MARCHF1: variants seen among roughly 807,000 people sequenced by gnomAD.
MARCHF1 encodes the protein E3 ubiquitin-protein ligase MARCHF1.
Under a neutral mutation model 54.2 loss-of-function variants are expected in MARCHF1, and 40 were observed. That is an observed-to-expected ratio of 0.74 (90% confidence interval 0.57 to 0.96). The LOEUF (loss-of-function observed/expected upper bound fraction) is 0.96. MARCHF1 is among the 40% of genes least tolerant of loss of function. The pLI is 0.00. For synonymous variants in MARCHF1, 236 were observed against 236.3 expected (o/e 1.00, Z 0.01); for missense variants, 586 against 656.5 (o/e 0.89, Z 1.17).
chr4:164,223,241 G>C (rs1732162184), intron 1 of MARCHF1, among the ~76,000 whole-genome samples: 1 of 151,996 alleles, frequency 6.6e-6, no homozygotes. Flanking sequence ...ATGTTGTAGA[G>C]TTGAACCAAT....
intron 1 of MARCHF1, among the ~76,000 whole-genome samples, chr4:164,249,722 C>G (rs1376408039): frequency 6.6e-6 from 1 of 150,566 alleles, no homozygotes; most frequent in Admixed American, 6.6e-5. Context: ...AAAAAATGAC[C>G]CATGCAGTTA....
chr4:164,093,616 G>A (rs1265148342), intron 2 of MARCHF1, among the ~76,000 whole-genome samples: 2 of 152,094 alleles, frequency 1.3e-5, no homozygotes, highest in Non-Finnish European at 2.9e-5. Flanking sequence ...CAGGAGAAAT[G>A]GAATAGTGAC....
chr4:163,628,854 G>T (rs1454602836), intron 5 of MARCHF1, among the ~76,000 whole-genome samples: 1 of 152,108 alleles, frequency 6.6e-6, no homozygotes, highest in Non-Finnish European at 1.5e-5. Context: ...GGATGTGAAG[G>T]ACCTCTTCAA....
chr4:163,894,234 G>C (rs144722493), intron 3 of MARCHF1, among the ~76,000 whole-genome samples: 3 of 151,912 alleles, frequency 2.0e-5, no homozygotes, highest in African/African-American at 7.3e-5. Context: ...GATCAGTTTG[G>C]CAATTTTCCT....
At chr4:163,768,749 A>ATC (rs1747063569) in intron 4 of MARCHF1, among the ~76,000 whole-genome samples, 1 of 152,178 alleles carries the variant, frequency 6.6e-6, no homozygotes, top group East Asian at 1.9e-4. Context: ...CTGAAAACTA[A>ATC]TCTCTCTGGA....
chr4:163,932,263 A>T (rs1751693738), intron 3 of MARCHF1, among the ~76,000 whole-genome samples: 1 of 152,222 alleles, frequency 6.6e-6, no homozygotes, highest in Non-Finnish European at 1.5e-5. Flanking sequence ...ATTACTTGAA[A>T]TAAGACAATG....
chr4:164,322,543 T>C (rs1735168328), intron 1 of MARCHF1, among the ~76,000 whole-genome samples: 1 of 152,142 alleles, frequency 6.6e-6, no homozygotes, highest in South Asian at 2.1e-4. Flanking sequence ...AATAATGACT[T>C]AATTGTACAT....
intron 3 of MARCHF1, among the ~76,000 whole-genome samples, chr4:163,886,786 T>A (rs1287176391): frequency 6.6e-6 from 1 of 152,090 alleles, no homozygotes; most frequent in Non-Finnish European, 1.5e-5. Flanking sequence ...GATAATAAAG[T>A]CAAAGCCAAG....
At chr4:163,524,628 A>G (rs1738037271), downstream of MARCHF1, 1 of 152,112 alleles carries the variant, frequency 6.6e-6, no homozygotes, top group African/African-American at 2.4e-5. Context: ...ATATGTTCAG[A>G]CCCTTGTAAA....
chr4:163,836,672 G>C (rs1342287710), intron 4 of MARCHF1, among the ~76,000 whole-genome samples: 1 of 146,320 alleles, frequency 6.8e-6, no homozygotes, highest in African/African-American at 2.5e-5. Context: ...TAAGGAAACA[G>C]AGGGTCCATC....
intron 3 of MARCHF1, among the ~76,000 whole-genome samples, chr4:163,884,511 C>G (rs1750486751): frequency 6.6e-6 from 1 of 152,158 alleles, no homozygotes; most frequent in African/African-American, 2.4e-5. Context: ...AACAAGAACT[C>G]TGTCACTGGC....
At chr4:163,759,981 A>C (rs1374045201) in intron 4 of MARCHF1, among the ~76,000 whole-genome samples, 1 of 152,214 alleles carries the variant, frequency 6.6e-6, no homozygotes, top group African/African-American at 2.4e-5. Flanking sequence ...AAGTAACTTG[A>C]TGCATTAAAA....
intron 1 of MARCHF1, among the ~76,000 whole-genome samples, chr4:164,182,036 T>G (rs556752464): frequency 1.3e-5 from 2 of 152,258 alleles, no homozygotes; most frequent in East Asian, 3.9e-4. Flanking sequence ...AGGTAATTTT[T>G]TCTCTTCTTT....
chr4:164,279,893 T>C (rs1733983261), intron 1 of MARCHF1, among the ~76,000 whole-genome samples: 1 of 151,740 alleles, frequency 6.6e-6, no homozygotes, highest in Non-Finnish European at 1.5e-5. Flanking sequence ...AATAGAATAT[T>C]ATCAAATTAA....
intron 1 of MARCHF1, among the ~76,000 whole-genome samples, chr4:164,282,178 C>T (rs1262456417): frequency 6.6e-6 from 1 of 150,828 alleles, no homozygotes; most frequent in South Asian, 2.1e-4. Flanking sequence ...TATTCCCTGC[C>T]CTCAACTACT....
chr4:164,166,492 A>G (rs1439438302), intron 1 of MARCHF1, among the ~76,000 whole-genome samples: 1 of 151,926 alleles, frequency 6.6e-6, no homozygotes, highest in Non-Finnish European at 1.5e-5. Flanking sequence ...TAGAAGGAAA[A>G]CATCCCAACA....
chr4:164,358,858 C>T (rs1158456324), intron 1 of MARCHF1, among the ~76,000 whole-genome samples: 1 of 151,910 alleles, frequency 6.6e-6, no homozygotes, highest in Non-Finnish European at 1.5e-5. Context: ...GGACATCGAG[C>T]AATTGGATTT....
chr4:163,690,938 C>T (rs1029250417), intron 5 of MARCHF1, among the ~76,000 whole-genome samples: 7 of 152,148 alleles, frequency 4.6e-5, no homozygotes, highest in Non-Finnish European at 1.0e-4. Flanking sequence ...GAGCCCAAAG[C>T]GCTGGCTGTG....
chr4:163,547,701 A>G (rs535516836), intron 8 of MARCHF1, among the ~76,000 whole-genome samples: 1 of 152,340 alleles, frequency 6.6e-6, no homozygotes, highest in South Asian at 2.1e-4. Context: ...CTTCCAGTCT[A>G]TGGAATAAGA....
Sources: gnomAD v4.1 joint callset for allele counts (sites outside exome capture counted in the v4.1 genomes callset) on GRCh38, gnomAD v4.1.1 for gene constraint, MANE v1.5 for transcripts, NCBI Gene and HGNC (gene_info 2026-07-23, HGNC 2026-07-21) for gene names.